PALLD: variants seen among roughly 807,000 people sequenced by gnomAD.
PALLD encodes the protein palladin, cytoskeletal associated protein.
A neutral mutation model predicts 123.5 loss-of-function variants in PALLD; 61 were observed. The observed-to-expected ratio is 0.49, with a 90% CI of 0.40 to 0.61. PALLD has a LOEUF of 0.61. PALLD is among the 20% of genes least tolerant of loss of function. The probability of loss-of-function intolerance (pLI) is 0.00; values close to 1 mark genes in which losing one functional copy is unlikely to be tolerated. For missense variants in PALLD, 1,273 were observed against 1,377.0 expected (o/e 0.92, Z 1.20); for synonymous variants, 465 against 496.4 (o/e 0.94, Z 0.84).
chr4:168,748,831 G>T (rs1222859065), intron 10 of PALLD, among the ~76,000 whole-genome samples: 1 of 152,188 alleles, frequency 6.6e-6, no homozygotes, highest in Non-Finnish European at 1.5e-5. Flanking sequence ...CTCTCCAGAG[G>T]CAGTTCACAG....
chr4:168,878,407 C>A, intron 10 of PALLD: 3 of 1,471,672 alleles, frequency 2.0e-6, no homozygotes, highest in Admixed American at 2.3e-5. Flanking sequence ...GAGTAACCGC[C>A]GCGGTCCTCC....
chr4:168,599,617 T>A (rs1772341615), intron 2 of PALLD, among the ~76,000 whole-genome samples: 1 of 152,088 alleles, frequency 6.6e-6, no homozygotes. Flanking sequence ...AAAGAGCAAG[T>A]TAGCCAGGCA....
intron 10 of PALLD, among the ~76,000 whole-genome samples, chr4:168,761,657 T>TTTGTTTG (rs1561493907): frequency 4.8e-5 from 2 of 41,326 alleles, no homozygotes; most frequent in Non-Finnish European, 1.1e-4. Flanking sequence ...TTTTTTTTTT[T>TTTGTTTG]TTTTTTTTTT....
At position 168,730,899 on chromosome 4, in the gene PALLD, G is replaced by A. The variant is rs557851756; in HGVS notation, c.1964+18976G>A. Among the ~76,000 whole-genome samples, 18 of 152,202 alleles carry A rather than the reference G, an allele frequency of 1.2e-4. No homozygotes were observed. The South Asian group carries it at 3.1e-3, about 26-fold the overall frequency. On this transcript the variant is annotated intron_variant, in intron 10 of 21. Coordinates refer to ENST00000505667, the MANE Select transcript of PALLD (RefSeq NM_001166108.2). ...TCATTCTGCTGTGCCAGATGTTTCC[G>A]AGTTTGAAACCCTTTTGGCTCTCCA...
At chr4:168,548,292 C>T (rs1002576147) in intron 2 of PALLD, among the ~76,000 whole-genome samples, 9 of 151,006 alleles carry the variant, frequency 6.0e-5, no homozygotes, top group African/African-American at 2.0e-4. Context: ...GAGGCTCTTC[C>T]TTACTTTTTT....
At chr4:168,861,279 T>TAAA (rs11459765) in intron 10 of PALLD, among the ~76,000 whole-genome samples, 270 of 149,328 alleles carry the variant, frequency 1.8e-3, no homozygotes, top group South Asian at 6.1e-3. Flanking sequence ...AATATGGAAT[T>TAAA]AAAAAAAAAA....
At chr4:168,850,677 G>A (rs1160926034) in intron 10 of PALLD, among the ~76,000 whole-genome samples, 6 of 151,502 alleles carry the variant, frequency 4.0e-5, no homozygotes, top group South Asian at 2.1e-4. Flanking sequence ...GATTACAGGC[G>A]TGCACCACCA....
At chr4:168,829,709 G>C (rs1378114063) in intron 10 of PALLD, among the ~76,000 whole-genome samples, 1 of 152,076 alleles carries the variant, frequency 6.6e-6, no homozygotes, top group Non-Finnish European at 1.5e-5. Flanking sequence ...CAGCCCTAAG[G>C]GCCCTTTGAC....
intron 21 of PALLD, among the ~76,000 whole-genome samples, 177 bp from the exon 22 acceptor site, chr4:168,926,036 A>G (rs969843895): frequency 6.6e-5 from 10 of 152,154 alleles, no homozygotes; most frequent in African/African-American, 2.2e-4. Context: ...CTGTATAGAC[A>G]GTAAATCTGC....
At chr4:168,792,497 C>G (rs1737676135) in intron 10 of PALLD, among the ~76,000 whole-genome samples, 1 of 152,004 alleles carries the variant, frequency 6.6e-6, no homozygotes, top group Non-Finnish European at 1.5e-5. Context: ...TACCCAAAAT[C>G]TTGGCATCCT....
chr4:168,557,530 C>T (rs529858328), intron 2 of PALLD, among the ~76,000 whole-genome samples: 5 of 152,314 alleles, frequency 3.3e-5, no homozygotes, highest in African/African-American at 1.2e-4. Flanking sequence ...CAGGCATAAT[C>T]AATATGTTGG....
intron 1 of PALLD, among the ~76,000 whole-genome samples, chr4:168,504,623 T>A (rs1011078452): frequency 6.7e-6 from 1 of 148,654 alleles, no homozygotes; most frequent in Admixed American, 6.7e-5. Flanking sequence ...CTGTGGCTAA[T>A]GAGCGTTTTA....
intron 2 of PALLD, among the ~76,000 whole-genome samples, chr4:168,596,595 G>A (rs1771999359): frequency 6.6e-6 from 1 of 152,018 alleles, no homozygotes; most frequent in African/African-American, 2.4e-5. Flanking sequence ...TTCCCATGGA[G>A]GCAGCAGCAT....
intron 10 of PALLD, among the ~76,000 whole-genome samples, chr4:168,795,429 T>C (rs1738350725): frequency 6.6e-6 from 1 of 152,236 alleles, no homozygotes; most frequent in African/African-American, 2.4e-5. Context: ...TAAGTATATA[T>C]ATGTTGCCAT....
At chr4:168,530,928 C>G (rs1764540433) in intron 2 of PALLD, among the ~76,000 whole-genome samples, 1 of 152,214 alleles carries the variant, frequency 6.6e-6, no homozygotes, top group Admixed American at 6.5e-5. Context: ...CTCTAATAAA[C>G]AGGGAATGTC....
At chr4:168,733,971 G>A (rs1242464251) in intron 10 of PALLD, among the ~76,000 whole-genome samples, 8 of 152,136 alleles carry the variant, frequency 5.3e-5, no homozygotes, top group East Asian at 1.9e-4. Flanking sequence ...TCCTGACCTC[G>A]TGATCTGCCC....
chr4:168,638,472 C>G (rs57157822), intron 2 of PALLD, among the ~76,000 whole-genome samples: 39 of 152,314 alleles, frequency 2.6e-4, no homozygotes, highest in African/African-American at 7.9e-4. Context: ...AGATCAGGTC[C>G]TTTGCTTAGT....
chr4:168,815,036 G>T (rs140794702), intron 10 of PALLD, among the ~76,000 whole-genome samples: 4 of 152,178 alleles, frequency 2.6e-5, no homozygotes, highest in Admixed American at 2.6e-4. Flanking sequence ...CTCCCAAAGC[G>T]CTGGGATTAT....
intron 2 of PALLD, among the ~76,000 whole-genome samples, chr4:168,565,367 T>C (rs927676030): frequency 1.3e-5 from 2 of 152,080 alleles, no homozygotes; most frequent in African/African-American, 4.8e-5. Flanking sequence ...GCACAAGTAA[T>C]TACACATGTG....
Sources: allele counts gnomAD v4.1 joint callset (sites outside exome capture counted in the v4.1 genomes callset), GRCh38; gene constraint gnomAD v4.1.1; transcripts MANE v1.5; gene names NCBI Gene and HGNC (gene_info 2026-07-23, HGNC 2026-07-21).